The following KCTD3 variants were observed in gnomAD, a reference collection of about 807,000 sequenced individuals.
KCTD3 encodes the protein BTB/POZ domain-containing protein KCTD3.
In KCTD3, 41 loss-of-function variants were observed where a neutral mutation model predicts 85.8. The ratio of observed to expected loss-of-function variants is 0.48; its 90% CI spans 0.37 to 0.62. KCTD3 has a LOEUF of 0.62. Among genes scored for constraint, KCTD3 ranks in the 20% least tolerant of loss-of-function variants. The probability of loss-of-function intolerance (pLI) is 0.00; values close to 1 mark genes in which losing one functional copy is unlikely to be tolerated. For missense variants in KCTD3, 724 were observed against 989.9 expected (o/e 0.73, Z 3.60); for synonymous variants, 338 against 345.4 (o/e 0.98, Z 0.24).
At chr1:215,572,740 G>A (rs112601700) in intron 1 of KCTD3, among the ~76,000 whole-genome samples, 57 of 152,282 alleles carry the variant, frequency 3.7e-4, no homozygotes, top group African/African-American at 1.3e-3. Flanking sequence ...TTTTGGCTGG[G>A]GTTTGGCCTG....
intron 14 of KCTD3, 81 bp from the exon 15 acceptor site, chr1:215,611,744 A>G: frequency 4.6e-6 from 4 of 862,796 alleles, no homozygotes; most frequent in South Asian, 1.8e-5. Context: ...CTTTTCTTAT[A>G]TTAATATTAA....
At chr1:215,614,697 T>C (rs1655365392) in intron 15 of KCTD3, among the ~76,000 whole-genome samples, 1 of 152,226 alleles carries the variant, frequency 6.6e-6, no homozygotes, top group Admixed American at 6.5e-5. Flanking sequence ...TGAAGTTGTT[T>C]ATTAGATGTA....
At chr1:215,614,274 G>A (rs1176793995) in intron 15 of KCTD3, among the ~76,000 whole-genome samples, 3 of 151,826 alleles carry the variant, frequency 2.0e-5, no homozygotes, top group Non-Finnish European at 2.9e-5. Context: ...CTCATGATCC[G>A]CTCACCTCCG....
At position 215,621,553 on chromosome 1, in the gene KCTD3, T is replaced by G. The variant is rs1655689630; in HGVS notation, c.*935T>G. 1 of 152,500 alleles carries G rather than the reference T, an allele frequency of 6.6e-6. No homozygotes were observed. The highest frequency in any genetic ancestry group is 2.4e-5 in the African/African-American group (1 of 41,440). 9.4% of individuals were successfully genotyped at this position (152,500 alleles called of 1,614,324 possible). A position where few individuals can be genotyped will look rare whatever the true frequency, so the allele number is the denominator to read the frequency against. The stretch of plus-strand genomic sequence containing the variant: ...ATGTGAATTTGAATGTATTTTGAAT[T>G]GTAAGAGCAAAAGAACGTTTTTGTA... On this transcript the variant is annotated 3_prime_UTR_variant, in exon 18 of 18. Transcript: ENST00000259154.
intron 10 of KCTD3, among the ~76,000 whole-genome samples, chr1:215,597,766 A>G (rs1332307075): frequency 6.6e-6 from 1 of 152,080 alleles, no homozygotes; most frequent in Admixed American, 6.6e-5. Flanking sequence ...AGGCACCTGT[A>G]GCACTGATGT....
intron 13 of KCTD3, among the ~76,000 whole-genome samples, chr1:215,605,488 G>C (rs921402015): frequency 1.3e-5 from 2 of 152,062 alleles, no homozygotes; most frequent in African/African-American, 2.4e-5. Flanking sequence ...CCTGGACTCT[G>C]TATTCTTTAT....
At chr1:215,588,652 C>T (rs1660107733) in intron 9 of KCTD3, among the ~76,000 whole-genome samples, 1 of 152,108 alleles carries the variant, frequency 6.6e-6, no homozygotes, top group Non-Finnish European at 1.5e-5. Flanking sequence ...ACTATTTCAG[C>T]ACTTCCTGTG....
intron 12 of KCTD3, among the ~76,000 whole-genome samples, chr1:215,602,470 A>C (rs1387873259): frequency 1.3e-5 from 2 of 151,774 alleles, no homozygotes; most frequent in Admixed American, 1.3e-4. Flanking sequence ...TGTTAGCTGA[A>C]ATTTCAAAAA....
chr1:215,583,561 G>T (rs746365881), intron 8 of KCTD3, among the ~76,000 whole-genome samples: 4 of 152,056 alleles, frequency 2.6e-5, no homozygotes, highest in African/African-American at 4.8e-5. Flanking sequence ...TCCTTGTTAC[G>T]CTGTGACTAA....
At position 215,613,107 on chromosome 1, in the gene KCTD3, C is replaced by T. The variant is rs143079072; in HGVS notation, c.1562+1186C>T. On this transcript the variant is annotated intron_variant, in intron 15 of 17. Transcript: ENST00000259154. The stretch of plus-strand genomic sequence containing the variant: ...ATGGCACATGTGTAACAGACCTGCA[C>T]ATCCCGCACATGTACCCCAGAACTT... Among the ~76,000 whole-genome samples the T allele has an allele frequency of 3.8e-3, 575 of 152,256 alleles. 7 individuals carry two copies. The highest frequency in any genetic ancestry group is 0.013 in the African/African-American group (549 of 41,554).
At chr1:215,598,745 A>G (rs988257764) in intron 10 of KCTD3, among the ~76,000 whole-genome samples, 6 of 152,176 alleles carry the variant, frequency 3.9e-5, no homozygotes, top group African/African-American at 1.4e-4. Context: ...AAGCGCAGCT[A>G]AAAGAAAATT....
intron 14 of KCTD3, among the ~76,000 whole-genome samples, chr1:215,610,772 T>C (rs895235360): frequency 6.6e-6 from 1 of 152,008 alleles, no homozygotes; most frequent in Non-Finnish European, 1.5e-5. Flanking sequence ...GCCTTATTTT[T>C]TTCATCTGTA....
chr1:215,615,356 C>T (rs914397535), intron 15 of KCTD3, among the ~76,000 whole-genome samples: 31 of 152,092 alleles, frequency 2.0e-4, no homozygotes, highest in African/African-American at 7.2e-4. Flanking sequence ...CGTGGTGGCT[C>T]ACGGCTGTAG....
In KCTD3 at chr1:215,617,837, A is replaced by G. The variant is rs544308064; in HGVS notation, c.1563-1049A>G. On this transcript the variant is annotated intron_variant, in intron 15 of 17. Coordinates refer to ENST00000259154, the MANE Select transcript of KCTD3 (RefSeq NM_016121.5). ...TTAATATATATTAAATATATATTAC[A>G]TATATTTAGTATATACGTAATATAT... 5.4e-5 allele frequency among the ~76,000 whole-genome samples: 8 copies of G among 147,758 alleles called. No homozygotes were observed. In the South Asian group the frequency reaches 1.3e-3, roughly 23 times the overall value.
At chr1:215,618,796 GCTTT>G in intron 15 of KCTD3, 86 bp from the exon 16 acceptor site, 4 of 959,794 alleles carry the variant, frequency 4.2e-6, no homozygotes, top group East Asian at 2.5e-5. Context: ...TAACATGTTT[GCTTT>G]CTTTCTTTCT....
At chr1:215,611,325 T>C (rs1206376713) in intron 14 of KCTD3, among the ~76,000 whole-genome samples, 2 of 151,992 alleles carry the variant, frequency 1.3e-5, no homozygotes, top group Non-Finnish European at 2.9e-5. Context: ...GTTTTTTTAA[T>C]TTGCATCTTT....
chr1:215,574,117 C>A lies in KCTD3; in HGVS notation c.182C>A (p.Ala61Asp). 3 of 1,567,936 alleles carry A rather than the reference C, an allele frequency of 1.9e-6. No homozygotes were observed. Among genetic ancestry groups the A allele is most frequent in the Non-Finnish European group, 1.7e-6 (2 of 1,145,168 alleles). The change falls in exon 3 of 18, where the codon GCT (alanine) becomes GAT (aspartate). Residue 61 changes from alanine (A) to aspartate (D), a missense_variant and splice_region_variant. By Grantham distance (126) the Ala-to-Asp change is moderately radical (BLOSUM62 -2). This residue lies in a region of KCTD3 where 97 missense variants were observed against 115.7 expected (regional missense o/e 0.84). Coordinates refer to ENST00000259154, the MANE Select transcript of KCTD3 (RefSeq NM_016121.5). Reference sequence around the variant, plus strand: ...TCAACACTTCGAGATGAAACTGGTGCTGTGAGTATAATAATAATTGATACA... The same window carrying A: ...TCAACACTTCGAGATGAAACTGGTGATGTGAGTATAATAATAATTGATACA... The part of the protein sequence containing the change: ...RISTLRDETG[A>D]IFIDRDPAAF...
intron 2 of KCTD3, 113 bp downstream of exon 2, chr1:215,573,952 A>C: frequency 1.0e-6 from 1 of 967,034 alleles, no homozygotes; most frequent in Non-Finnish European, 1.5e-6. Context: ...AAAATTATAT[A>C]TTTTTGAACT....
chr1:215,602,246 T>G (rs1654860212), intron 12 of KCTD3, 45 bp downstream of exon 12: 2 of 980,466 alleles, frequency 2.0e-6, no homozygotes, highest in Non-Finnish European at 1.6e-6. Context: ...TTTTATCTTT[T>G]TATTCATTAG....
Sources: allele counts gnomAD v4.1 joint callset (sites outside exome capture counted in the v4.1 genomes callset), GRCh38; gene constraint gnomAD v4.1.1; regional missense constraint gnomAD v4.1.1; transcripts MANE v1.5; gene names NCBI Gene and HGNC (gene_info 2026-07-23, HGNC 2026-07-21).